Variants in PRKN observed in about 807,000 individuals in gnomAD.
PRKN encodes the protein parkin RBR E3 ubiquitin protein ligase.
Under a neutral mutation model 59.5 loss-of-function variants are expected in PRKN, and 56 were observed. That is an observed-to-expected ratio of 0.94 (90% CI 0.76 to 1.18). PRKN has a LOEUF of 1.18. Ranked by LOEUF, PRKN falls within the 50% of genes most tolerant of loss-of-function variation. The pLI is 0.00. For missense variants in PRKN, 657 were observed against 596.4 expected, an observed-to-expected ratio of 1.10 and a Z score of -1.06; for synonymous variants, 250 against 222.1, an observed-to-expected ratio of 1.13 and a Z score of -1.12.
chr6:162,627,291 CT>C (rs1562449407), intron 1 of PRKN, among the ~76,000 whole-genome samples: 1 of 152,150 alleles, frequency 6.6e-6, no homozygotes, highest in Non-Finnish European at 1.5e-5. Context: ...TCTGTGATGG[CT>C]TCACCCAGAA....
rs1778929686 is a variant in PRKN, at chr6:162,541,671, T to TA, written c.8-98199dup. On this transcript the variant is annotated intron_variant, in intron 1 of 11. Coordinates refer to ENST00000366898, the MANE Select transcript of PRKN (RefSeq NM_004562.3). ...CAGAAACACATTTCTGAATCCCTGA[T>TA]AGTTTGGCATCCCTCCTCTATTTCC... Among the ~76,000 whole-genome samples the TA allele has an allele frequency of 2.0e-5, 3 of 152,278 alleles. No individual in the cohort carries two copies. In the South Asian group the frequency reaches 6.2e-4, roughly 32 times the overall value.
intron 6 of PRKN, among the ~76,000 whole-genome samples, chr6:161,842,096 G>A (rs767629074): frequency 5.9e-5 from 9 of 151,950 alleles, no homozygotes; most frequent in South Asian, 2.1e-4. Context: ...GAGCACACTC[G>A]GCTTGTCCTC....
At chr6:162,337,990 T>TTTTATTTTTTAAA (rs1783926500) in intron 2 of PRKN, among the ~76,000 whole-genome samples, 1 of 152,194 alleles carries the variant, frequency 6.6e-6, no homozygotes, top group Admixed American at 6.5e-5. Context: ...TTAAATATCT[T>TTTTATTTTTTAAA]TAAAGTTTTA....
intron 9 of PRKN, among the ~76,000 whole-genome samples, chr6:161,436,460 T>TGG (rs34060350): frequency 2.4e-4 from 30 of 124,850 alleles, no homozygotes; most frequent in African/African-American, 8.8e-4. Context: ...AAGACTTTTT[T>TGG]GGGGGGGGGT....
intron 5 of PRKN, among the ~76,000 whole-genome samples, chr6:162,037,893 C>T (rs573394998): frequency 3.8e-4 from 57 of 151,048 alleles, no homozygotes; most frequent in African/African-American, 1.2e-3. Context: ...TTTTTTCAGC[C>T]AACATTATGT....
intron 9 of PRKN, among the ~76,000 whole-genome samples, chr6:161,404,148 A>C (rs1431082332): frequency 6.6e-6 from 1 of 151,872 alleles, no homozygotes; most frequent in East Asian, 1.9e-4. Flanking sequence ...CCTGATCCTA[A>C]ATCCCTCCAC....
At chr6:162,191,359 T>C (rs1349004223) in intron 4 of PRKN, among the ~76,000 whole-genome samples, 1 of 152,242 alleles carries the variant, frequency 6.6e-6, no homozygotes, top group Non-Finnish European at 1.5e-5. Context: ...ACTGGCCATA[T>C]GGCCCAGTTA....
chr6:161,725,559 T>C lies in PRKN; in HGVS notation c.871+60213A>G, dbSNP rs570801730. Among the ~76,000 whole-genome samples the C allele has an allele frequency of 3.3e-5, 5 of 152,286 alleles. No homozygotes were observed. The South Asian group carries it at 1.0e-3, about 32-fold the overall frequency. ...CAAATTTCAAAGACAGCACAGGTAT[T>C]CACAAAGCATCCCTTCTAGTCACTG... On this transcript the variant is annotated intron_variant, in intron 7 of 11. Transcript: ENST00000366898.
At chr6:162,223,408 A>G (rs1309690697) in intron 3 of PRKN, among the ~76,000 whole-genome samples, 2 of 152,094 alleles carry the variant, frequency 1.3e-5, no homozygotes, top group African/African-American at 4.8e-5. Context: ...TCATAATAAT[A>G]GTGCTGCTAA....
At chr6:162,097,174 C>G (rs775733622) in intron 4 of PRKN, among the ~76,000 whole-genome samples, 8 of 151,884 alleles carry the variant, frequency 5.3e-5, no homozygotes, top group Non-Finnish European at 8.8e-5. Flanking sequence ...CTGTACCTGG[C>G]CAAAAATTAT....
At chr6:161,724,225 T>C (rs1432612603) in intron 7 of PRKN, among the ~76,000 whole-genome samples, 1 of 152,222 alleles carries the variant, frequency 6.6e-6, no homozygotes, top group Non-Finnish European at 1.5e-5. Flanking sequence ...GAAGAGCTAA[T>C]AGCTCCCTTT....
chr6:161,419,247 G>T lies in PRKN; in HGVS notation c.1084-32370C>A, dbSNP rs1787981944. On this transcript the variant is annotated intron_variant, in intron 9 of 11. Coordinates refer to ENST00000366898, the MANE Select transcript of PRKN (RefSeq NM_004562.3). This position sits in a 1 kb window ranked among gnomAD's most constrained non-coding sequence, Gnocchi z 4.1. ...ACTTATGTGACCATTTTACAATGAA[G>T]AAATGGATGTTTAAAGAGGACAGTG... 6.6e-6 allele frequency among the ~76,000 whole-genome samples: 1 copy of T among 152,170 alleles called. No homozygotes were observed. Among genetic ancestry groups the T allele is most frequent in the Admixed American group, 6.5e-5 (1 of 15,272 alleles).
intron 6 of PRKN, among the ~76,000 whole-genome samples, chr6:161,813,506 T>C (rs1442363131): frequency 6.6e-6 from 1 of 152,142 alleles, no homozygotes; most frequent in African/African-American, 2.4e-5. Context: ...CCATAATCAG[T>C]AAGGTAAATT....
At chr6:161,957,013 G>A (rs545480392) in intron 6 of PRKN, among the ~76,000 whole-genome samples, 4 of 152,242 alleles carry the variant, frequency 2.6e-5, no homozygotes, top group African/African-American at 7.2e-5. Context: ...GGGAACCTCC[G>A]AGTCTTCAGA....
chr6:162,117,501 T>A (rs1290933973), intron 4 of PRKN, among the ~76,000 whole-genome samples: 1 of 152,196 alleles, frequency 6.6e-6, no homozygotes, highest in African/African-American at 2.4e-5. Context: ...CAAGTCTCCC[T>A]CAGCAGGTGG....
rs896104132 is a variant in PRKN, at chr6:161,480,016, C to T, written c.1083+68838G>A. On this transcript the variant is annotated intron_variant, in intron 9 of 11. Coordinates refer to ENST00000366898, the MANE Select transcript of PRKN (RefSeq NM_004562.3). The surrounding 1 kb of genome is among the most constrained non-coding windows in gnomAD (Gnocchi z 4.1). ...ATTCCTTGCTCCCTTCCCTCTGGTG[C>T]GGGATCATGGAAGCCCAGGTGAAGG... Among the ~76,000 whole-genome samples, 6 of 152,316 alleles carry T rather than the reference C, an allele frequency of 3.9e-5. No homozygotes were observed. The highest frequency in any genetic ancestry group is 9.6e-5 in the African/African-American group (4 of 41,574).
chr6:162,135,355 T>C (rs565224093), intron 4 of PRKN, among the ~76,000 whole-genome samples: 30 of 152,288 alleles, frequency 2.0e-4, no homozygotes, highest in African/African-American at 6.3e-4. Context: ...TCCCGATTAG[T>C]TGTCCTAACT....
intron 7 of PRKN, among the ~76,000 whole-genome samples, chr6:161,758,201 G>C (rs1404490187): frequency 6.6e-6 from 1 of 151,790 alleles, no homozygotes; most frequent in Non-Finnish European, 1.5e-5. Flanking sequence ...TCTAAAATAT[G>C]ATTTAGTCAC....
At chr6:161,567,386 T>C (rs763839949) in intron 8 of PRKN, among the ~76,000 whole-genome samples, 8 of 152,152 alleles carry the variant, frequency 5.3e-5, no homozygotes, top group Non-Finnish European at 1.0e-4. Context: ...ATAGCAATGA[T>C]AGCCATCTAA....
Sources: gnomAD v4.1 joint callset for allele counts (sites outside exome capture counted in the v4.1 genomes callset) on GRCh38, gnomAD v4.1.1 for gene constraint, Gnocchi (gnomAD v3.1) non-coding constraint, MANE v1.5 for transcripts, NCBI Gene and HGNC (gene_info 2026-07-23, HGNC 2026-07-21) for gene names.